The following NDUFB2 variants were observed in gnomAD, a reference collection of about 807,000 sequenced individuals.
NDUFB2 encodes the protein NADH:ubiquinone oxidoreductase subunit B2, also known as NADH dehydrogenase [ubiquinone] 1 beta subcomplex subunit 2, mitochondrial.
NDUFB2 carries 13 observed loss-of-function variants against 13.4 expected under a neutral mutation model. The ratio of observed to expected loss-of-function variants is 0.97; its 90% CI spans 0.63 to 1.54. The LOEUF is 1.54. NDUFB2 is among the 40% of genes most tolerant of loss of function. The probability of loss-of-function intolerance (pLI) is 0.00; values close to 1 mark genes in which losing one functional copy is unlikely to be tolerated. For synonymous variants in NDUFB2, 47 were observed against 50.6 expected, an observed-to-expected ratio of 0.93 and a Z score of 0.30; for missense variants, 150 against 139.7, an observed-to-expected ratio of 1.07 and a Z score of -0.37.
rs768501751 is a variant in NDUFB2, at chr7:140,704,852, G to A, written c.244-8G>A. The stretch of plus-strand genomic sequence containing the variant: ...TGACTTTTCTTTCTTTTAAATGGTT[G>A]TCACCAGGGTCACTTTCCGTATCCT... On this transcript the variant is annotated splice_region_variant and splice_polypyrimidine_tract_variant and intron_variant, in intron 2 of 3. Coordinates refer to ENST00000247866, the MANE Select transcript of NDUFB2 (RefSeq NM_004546.3). 6.4e-7 allele frequency: 1 copy of A among 1,556,030 alleles called. No individual in the cohort carries two copies. The highest frequency in any genetic ancestry group is 1.2e-5 in the South Asian group (1 of 83,498).
In NDUFB2 at chr7:140,696,796, T is replaced by C; in HGVS notation, c.52T>C (p.Phe18Leu). Residue 18 changes from phenylalanine (F) to leucine (L), a missense_variant, in exon 1 of 4, where the codon TTC becomes CTC. By Grantham distance (22) the Phe-to-Leu change is conservative. Coordinates refer to ENST00000247866, the MANE Select transcript of NDUFB2 (RefSeq NM_004546.3). ...ASFARVGGRL[F>L]RSGCARTAGD... ...TTTCGCTCGCGTTGGAGGCCGCCTT[T>C]TCAGAAGCGGCTGCGCACGGACTGC... 1 of 1,609,548 alleles carries C rather than the reference T, an allele frequency of 6.2e-7. No individual in the cohort carries two copies. The highest frequency in any genetic ancestry group is 1.7e-4 in the Middle Eastern group (1 of 5,926).
At chr7:140,705,103 T>G (rs889772771) in intron 3 of NDUFB2, 140 bp downstream of exon 3, 1 of 238,840 alleles carries the variant, frequency 4.2e-6, no homozygotes, top group Non-Finnish European at 7.9e-6. Flanking sequence ...TGTATCTGCT[T>G]TTTTTTTTTT....
Position 140,703,005 on chromosome 7 carries a change from G to C in NDUFB2, c.238G>C (p.Val80Leu). Residue 80 changes from valine to leucine, a missense_variant, in exon 2 of 4, where the codon GTG becomes CTG. Physicochemically the swap from Val to Leu is conservative, Grantham distance 32. Coordinates refer to ENST00000247866, the MANE Select transcript of NDUFB2 (RefSeq NM_004546.3). ...LWRFWHDSEE[V>L]LGHFPYPDPS... ...GCGCTTTTGGCATGACTCAGAAGAG[G>C]TGCTGGTAAGTGCAGGAGAAGAGCA... is the stretch of plus-strand genomic sequence containing the variant. 6.2e-7 allele frequency: 1 copy of C among 1,614,010 alleles called. No homozygotes were observed. Among genetic ancestry groups the C allele is most frequent in the Non-Finnish European group, 8.5e-7 (1 of 1,180,006 alleles).
intron 1 of NDUFB2, 67 bp downstream of exon 1, chr7:140,696,909 T>C: frequency 1.4e-6 from 2 of 1,446,170 alleles, no homozygotes; most frequent in South Asian, 2.4e-5. Context: ...CCTGGGACGC[T>C]CTCACCTTGA....
chr7:140,702,639 T>C, intron 1 of NDUFB2: 1 of 468,886 alleles, frequency 2.1e-6, no homozygotes, highest in South Asian at 4.8e-5. Flanking sequence ...TCTTCACTAA[T>C]TGAAAACCAA....
intron 1 of NDUFB2, among the ~76,000 whole-genome samples, chr7:140,697,782 C>T (rs910955132): frequency 1.3e-5 from 2 of 152,184 alleles, no homozygotes; most frequent in Non-Finnish European, 2.9e-5. Flanking sequence ...TCAGTTTCCT[C>T]ACCCATTTGG....
At chr7:140,699,177 T>C (rs970473682) in intron 1 of NDUFB2, among the ~76,000 whole-genome samples, 5 of 152,080 alleles carry the variant, frequency 3.3e-5, no homozygotes, top group Non-Finnish European at 7.4e-5. Context: ...AAAATAAAAA[T>C]GTAACTAATA....
Position 140,696,720 on chromosome 7 carries a change from G to A in NDUFB2, c.-25G>A, listed in dbSNP as rs1160208049. Reference sequence around the variant, plus strand: ...AGTAGGCAGGGGCGAGGCGGCTGGGGACCGCGGGGCGGACGGGAGCGAGTA... The same window carrying A: ...AGTAGGCAGGGGCGAGGCGGCTGGGAACCGCGGGGCGGACGGGAGCGAGTA... On this transcript the variant is annotated 5_prime_UTR_variant, in exon 1 of 4. Coordinates refer to ENST00000247866, the MANE Select transcript of NDUFB2 (RefSeq NM_004546.3). The A allele has an allele frequency of 6.4e-7, 1 of 1,563,186 alleles. No homozygotes were observed. The highest frequency in any genetic ancestry group is 8.7e-7 in the Non-Finnish European group (1 of 1,155,068).
Position 140,696,710 on chromosome 7 carries a change from G to A in NDUFB2, c.-35G>A, listed in dbSNP as rs1360698035. The A allele has an allele frequency of 1.0e-5, 16 of 1,545,436 alleles. No individual in the cohort carries two copies. The highest frequency in any genetic ancestry group is 4.3e-4 in the Middle Eastern group (2 of 4,684). ...GGGGAAGCGAAGTAGGCAGGGGCGAGGCGGCTGGGGACCGCGGGGCGGACG... is the reference window on the plus strand; with the variant it reads ...GGGGAAGCGAAGTAGGCAGGGGCGAAGCGGCTGGGGACCGCGGGGCGGACG... On this transcript the variant is annotated 5_prime_UTR_variant, in exon 1 of 4. Coordinates refer to ENST00000247866, the MANE Select transcript of NDUFB2 (RefSeq NM_004546.3).
chr7:140,698,381 G>A, intron 1 of NDUFB2: 1 of 1,242,360 alleles, frequency 8.0e-7, no homozygotes, highest in Non-Finnish European at 1.1e-6. Context: ...TGAGGATATA[G>A]CAGAATACGA....
intron 2 of NDUFB2, among the ~76,000 whole-genome samples, chr7:140,703,676 G>A (rs1563215665): frequency 6.6e-6 from 1 of 152,148 alleles, no homozygotes; most frequent in East Asian, 1.9e-4. Context: ...CTGTCCAGAG[G>A]CCCAGGGCAG....
intron 1 of NDUFB2, chr7:140,701,820 C>T (rs1353183168): frequency 1.2e-5 from 5 of 419,636 alleles, no homozygotes; most frequent in Admixed American, 4.2e-5. Context: ...CCTGTAGTCC[C>T]AGCTACTTGG....
chr7:140,705,167 T>A, intron 3 of NDUFB2: 1 of 323,684 alleles, frequency 3.1e-6, no homozygotes, highest in Non-Finnish European at 5.5e-6. Context: ...TGGCGTGATC[T>A]GGGCTCACTG....
At chr7:140,701,512 TACTTGGGA>T (rs1794896838) in intron 1 of NDUFB2, among the ~76,000 whole-genome samples, 1 of 152,072 alleles carries the variant, frequency 6.6e-6, no homozygotes, top group Non-Finnish European at 1.5e-5. Context: ...TAATCCCAGC[TACTTGGGA>T]GGGAGGCTGA....
At position 140,696,737 on chromosome 7, in the gene NDUFB2, G is replaced by T; in HGVS notation, c.-8G>T. 1 of 1,582,660 alleles carries T rather than the reference G, an allele frequency of 6.3e-7. No individual in the cohort carries two copies. The highest frequency in any genetic ancestry group is 8.6e-7 in the Non-Finnish European group (1 of 1,165,666). Reference sequence around the variant, plus strand: ...CGGCTGGGGACCGCGGGGCGGACGGGAGCGAGTATGTCCGCTCTGACTCGG... The same window carrying T: ...CGGCTGGGGACCGCGGGGCGGACGGTAGCGAGTATGTCCGCTCTGACTCGG... On this transcript the variant is annotated 5_prime_UTR_variant, in exon 1 of 4. Transcript: ENST00000247866.
intron 1 of NDUFB2, chr7:140,701,985 C>T (rs999505192): frequency 2.9e-6 from 2 of 693,652 alleles, no homozygotes; most frequent in East Asian, 2.7e-5. Context: ...TATCAAGAAC[C>T]ACTGCCCTGT....
intron 1 of NDUFB2, chr7:140,700,295 G>A (rs1794877477): frequency 6.6e-6 from 1 of 151,678 alleles, no homozygotes; most frequent in Non-Finnish European, 1.5e-5. Flanking sequence ...AGCTAATTTT[G>A]TATTTTTAGT....
chr7:140,705,096 A>G (rs1794947661), intron 3 of NDUFB2, 133 bp downstream of exon 3: 1 of 431,924 alleles, frequency 2.3e-6, no homozygotes, highest in Non-Finnish European at 4.0e-6. Context: ...CATGTCCTGT[A>G]TCTGCTTTTT....
At chr7:140,697,432 C>A in intron 1 of NDUFB2, 1 of 701,812 alleles carries the variant, frequency 1.4e-6, no homozygotes, top group Non-Finnish European at 2.6e-6. Flanking sequence ...CTGGGGCAGC[C>A]GTGGCGTTTA....
Sources: gnomAD v4.1 joint callset for allele counts (sites outside exome capture counted in the v4.1 genomes callset) on GRCh38, gnomAD v4.1.1 for gene constraint, MANE v1.5 for transcripts, NCBI Gene and HGNC (gene_info 2026-07-23, HGNC 2026-07-21) for gene names.